Variants in ASB7 observed in about 807,000 individuals in gnomAD.
ASB7 encodes ankyrin repeat and SOCS box protein 7.
Under a neutral mutation model 32.5 loss-of-function variants are expected in ASB7, and 4 were observed. The ratio of observed to expected loss-of-function variants is 0.12; its 90% CI spans 0.06 to 0.28. ASB7 has a LOEUF of 0.28. Among genes scored for constraint, ASB7 ranks in the 10% least tolerant of loss-of-function variants. ASB7 has a pLI of 1.00. For synonymous variants in ASB7, 172 were observed against 155.6 expected, an observed-to-expected ratio of 1.11 and a Z score of -0.78; for missense variants, 181 against 407.1, an observed-to-expected ratio of 0.44 and a Z score of 4.78.
In ASB7 at chr15:100,640,187, C is replaced by T. The variant is rs147410736; in HGVS notation, c.818-8136C>T. Among the ~76,000 whole-genome samples the T allele has an allele frequency of 3.3e-5, 5 of 152,240 alleles. No individual in the cohort carries two copies. In the East Asian group the frequency reaches 9.7e-4, roughly 29 times the overall value. On this transcript the variant is annotated intron_variant, in intron 5 of 5. Transcript: ENST00000332783. ...TTGAGACAGAGTCTCACTTGTCACC[C>T]ATGCTGGAATGCAATGGTGTGATCT...
intron 4 of ASB7, among the ~76,000 whole-genome samples, chr15:100,621,615 TATAAC>T (rs927179393): frequency 3.9e-5 from 6 of 152,182 alleles, no homozygotes; most frequent in African/African-American, 1.4e-4. Context: ...TTGTTGGGCT[TATAAC>T]ATGTAAAGAT....
chr15:100,628,538 C>A (rs998580077), intron 4 of ASB7, among the ~76,000 whole-genome samples: 1 of 152,056 alleles, frequency 6.6e-6, no homozygotes, highest in African/African-American at 2.4e-5. Context: ...TTGCTGACTT[C>A]TAGGAGGTGC....
intron 4 of ASB7, among the ~76,000 whole-genome samples, chr15:100,622,219 A>AG (rs56362156): frequency 1.1e-4 from 16 of 152,134 alleles, no homozygotes; most frequent in African/African-American, 2.4e-4. Context: ...AAAAGAAAAA[A>AG]AACCCAACAA....
Position 100,607,102 on chromosome 15 carries a change from G to A in ASB7, c.-173-2605G>A, listed in dbSNP as rs1343514396. Among the ~76,000 whole-genome samples the A allele has an allele frequency of 3.3e-5, 5 of 150,758 alleles. No individual in the cohort carries two copies. The East Asian group carries it at 5.8e-4, about 18-fold the overall frequency. ...CTGAAGGCAGAGGTTGCAGTGAGCCGAGATCGCACCACTGCACTCCAGCCT... is the reference window on the plus strand; with the variant it reads ...CTGAAGGCAGAGGTTGCAGTGAGCCAAGATCGCACCACTGCACTCCAGCCT... On this transcript the variant is annotated intron_variant, in intron 2 of 5. Transcript: ENST00000332783.
In ASB7 at chr15:100,650,482, C is replaced by G. The variant is rs1567120460; in HGVS notation, c.*2020C>G. 6.6e-6 allele frequency: 1 copy of G among 152,208 alleles called. No individual in the cohort carries two copies. Among genetic ancestry groups the G allele is most frequent in the Non-Finnish European group, 1.5e-5 (1 of 68,066 alleles). 9.4% of individuals were successfully genotyped at this position (152,208 alleles called of 1,614,324 possible). ...GAGGGGTGCCTGGAGTTTCTGCACT[C>G]TCATCAGTGATGTTCATGTTACACT... On this transcript the variant is annotated 3_prime_UTR_variant, in exon 6 of 6. Coordinates refer to ENST00000332783, the MANE Select transcript of ASB7 (RefSeq NM_198243.3).
At chr15:100,637,649 A>G (rs1249069019) in intron 5 of ASB7, among the ~76,000 whole-genome samples, 1 of 152,250 alleles carries the variant, frequency 6.6e-6, no homozygotes, top group African/African-American at 2.4e-5. Flanking sequence ...GTTTGGTTCC[A>G]GATTTCATAT....
At chr15:100,636,150 A>G (rs2039921524) in intron 5 of ASB7, among the ~76,000 whole-genome samples, 1 of 152,180 alleles carries the variant, frequency 6.6e-6, no homozygotes, top group South Asian at 2.1e-4. Context: ...TTATGGCTTC[A>G]GTGACTACGG....
At chr15:100,605,351 T>TA (rs1421417383) in intron 2 of ASB7, among the ~76,000 whole-genome samples, 1 of 152,068 alleles carries the variant, frequency 6.6e-6, no homozygotes, top group Non-Finnish European at 1.5e-5. Flanking sequence ...TCATGTGGCT[T>TA]AAAAAAAATC....
In ASB7 at chr15:100,636,582, T is replaced by C. The variant is rs904037012; in HGVS notation, c.817+6540T>C. Among the ~76,000 whole-genome samples, 3 of 152,066 alleles carry C rather than the reference T, an allele frequency of 2.0e-5. No homozygotes were observed. The East Asian group carries it at 5.8e-4, about 29-fold the overall frequency. On this transcript the variant is annotated intron_variant, in intron 5 of 5. Transcript: ENST00000332783. ...AGTGTCTGACTTGCCTTATAAACTT[T>C]GACAAGATGTTTAACACTCCCCACA...
At chr15:100,627,302 T>C (rs1164346104) in intron 4 of ASB7, among the ~76,000 whole-genome samples, 1 of 152,170 alleles carries the variant, frequency 6.6e-6, no homozygotes, top group East Asian at 1.9e-4. Context: ...AGGGAAGGCT[T>C]TTCTTTTTTT....
At chr15:100,625,341 A>G (rs2039828622) in intron 4 of ASB7, among the ~76,000 whole-genome samples, 1 of 152,246 alleles carries the variant, frequency 6.6e-6, no homozygotes, top group Non-Finnish European at 1.5e-5. Context: ...AGAAAACTAC[A>G]AATGTGTTCT....
intron 2 of ASB7, among the ~76,000 whole-genome samples, chr15:100,607,682 T>C (rs963945967): frequency 1.3e-5 from 2 of 152,228 alleles, no homozygotes; most frequent in Non-Finnish European, 1.5e-5. Flanking sequence ...ATTTTAAGTA[T>C]GCAGAACTCT....
chr15:100,620,686 A>C (rs531380329), intron 4 of ASB7, among the ~76,000 whole-genome samples: 34 of 152,320 alleles, frequency 2.2e-4, no homozygotes, highest in Middle Eastern at 3.4e-3. Context: ...ATCGTGATGG[A>C]AGAGTCTCTA....
intron 4 of ASB7, among the ~76,000 whole-genome samples, chr15:100,616,701 C>T (rs1050188047): frequency 5.3e-5 from 8 of 152,106 alleles, no homozygotes; most frequent in Non-Finnish European, 1.2e-4. Flanking sequence ...CACCTTTTAC[C>T]TGATACCCTT....
At chr15:100,632,627 G>A (rs985332920) in intron 5 of ASB7, among the ~76,000 whole-genome samples, 9 of 152,228 alleles carry the variant, frequency 5.9e-5, no homozygotes, top group African/African-American at 1.7e-4. Flanking sequence ...GCAGCCCCAG[G>A]CATCATGCTG....
At chr15:100,641,201 C>T (rs931918249) in intron 5 of ASB7, among the ~76,000 whole-genome samples, 2 of 152,202 alleles carry the variant, frequency 1.3e-5, no homozygotes, top group Admixed American at 6.5e-5. Flanking sequence ...TCTTCTGCCA[C>T]TGCCCTTCTC....
In ASB7 at chr15:100,647,199, C is replaced by T. The variant is rs187272653; in HGVS notation, c.818-1124C>T. ...GCCCACATAAAAGTTTCTGGGGGTT[C>T]GCAATAATTTTTTAAAGTGTAAAGG... On this transcript the variant is annotated intron_variant, in intron 5 of 5. Coordinates refer to ENST00000332783, the MANE Select transcript of ASB7 (RefSeq NM_198243.3). 4.9e-4 allele frequency among the ~76,000 whole-genome samples: 74 copies of T among 152,066 alleles called. 2 individuals are homozygous for T. In the East Asian group the frequency reaches 6.6e-3, roughly 13 times the overall value.
intron 4 of ASB7, among the ~76,000 whole-genome samples, chr15:100,622,017 G>C (rs1025452723): frequency 6.6e-6 from 1 of 152,078 alleles, no homozygotes; most frequent in African/African-American, 2.4e-5. Context: ...GTTCCTCTTT[G>C]CTGATGATAT....
rs533209227 is a variant in ASB7 at position 100,633,642 on chromosome 15, GGAA to G, written c.817+3605_817+3607del. ...GAAAGAAAGGAAGAAAGGAAGGAAA[GGAA>G]GAAGGAAGGAGGAAGGAAGGAAGGA... is the stretch of plus-strand genomic sequence containing the variant. On this transcript the variant is annotated intron_variant, in intron 5 of 5. Transcript: ENST00000332783. Among the ~76,000 whole-genome samples, 779 of 150,260 alleles carry G rather than the reference GGAA, an allele frequency of 5.2e-3. 11 individuals are homozygous for G. Among genetic ancestry groups the G allele is most frequent in the African/African-American group, 0.018 (737 of 40,906 alleles).
Sources: allele counts gnomAD v4.1 joint callset (sites outside exome capture counted in the v4.1 genomes callset), GRCh38; gene constraint gnomAD v4.1.1; transcripts MANE v1.5; gene names NCBI Gene and HGNC (gene_info 2026-07-23, HGNC 2026-07-21).